Variants in KCNMA1 observed in about 807,000 individuals in gnomAD.
KCNMA1 encodes the protein Calcium-activated potassium channel subunit alpha-1.
KCNMA1 carries 29 observed loss-of-function variants against 140.0 expected under a neutral mutation model. That is an observed-to-expected ratio of 0.21 (90% CI 0.15 to 0.28). The LOEUF is 0.28. Ranked by LOEUF, KCNMA1 falls within the 10% of genes least tolerant of loss-of-function variation. KCNMA1 has a pLI of 1.00. For missense variants in KCNMA1, 880 were observed against 1,602.2 expected (o/e 0.55, Z 7.70); for synonymous variants, 612 against 611.9 (o/e 1.00, Z 0.00).
At chr10:77,200,652 A>G (rs2042160973) in intron 3 of KCNMA1, among the ~76,000 whole-genome samples, 1 of 151,814 alleles carries the variant, frequency 6.6e-6, no homozygotes, top group South Asian at 2.1e-4. Flanking sequence ...GAAAAAAAAA[A>G]ACCCACCCTA....
At chr10:77,437,449 C>A (rs1013389896) in intron 1 of KCNMA1, among the ~76,000 whole-genome samples, 3 of 152,128 alleles carry the variant, frequency 2.0e-5, no homozygotes, top group African/African-American at 7.2e-5. Flanking sequence ...GGGATTATGA[C>A]TGCTTTTGTA....
chr10:77,008,116 A>G, intron 18 of KCNMA1: 1 of 1,425,680 alleles, frequency 7.0e-7, no homozygotes, highest in Non-Finnish European at 9.5e-7. Flanking sequence ...AGAAAATTAA[A>G]AGAGTATCTC....
chr10:77,080,629 G>A (rs1020699608), intron 12 of KCNMA1, among the ~76,000 whole-genome samples: 7 of 152,148 alleles, frequency 4.6e-5, no homozygotes, highest in Middle Eastern at 3.2e-3. Context: ...GAATGCATTG[G>A]AGATGGGATG....
intron 1 of KCNMA1, among the ~76,000 whole-genome samples, chr10:77,628,085 C>G (rs1363858214): frequency 6.7e-6 from 1 of 148,720 alleles, no homozygotes; most frequent in Non-Finnish European, 1.5e-5. Flanking sequence ...GAAGAAGGAG[C>G]AAGAACAAGA....
At chr10:77,401,945 C>T (rs1007948653) in intron 2 of KCNMA1, among the ~76,000 whole-genome samples, 8 of 152,182 alleles carry the variant, frequency 5.3e-5, no homozygotes, top group Admixed American at 6.5e-5. Flanking sequence ...GAATCAGGAT[C>T]CTTCCTTGTT....
chr10:76,977,807 G>A, intron 19 of KCNMA1: 1 of 582,804 alleles, frequency 1.7e-6, no homozygotes, highest in Non-Finnish European at 3.1e-6. Context: ...TGAGTCAGGT[G>A]AGTTTCACAT....
chr10:77,104,861 A>G (rs1174600426), intron 9 of KCNMA1, among the ~76,000 whole-genome samples: 1 of 152,206 alleles, frequency 6.6e-6, no homozygotes. Flanking sequence ...CCCAAAGGCC[A>G]TGGGAGCGTC....
intron 2 of KCNMA1, among the ~76,000 whole-genome samples, chr10:77,325,100 G>A (rs758964552): frequency 1.1e-4 from 16 of 151,976 alleles, no homozygotes; most frequent in Non-Finnish European, 2.1e-4. Context: ...TGTCAAGACT[G>A]CAGCCTGGCC....
chr10:76,956,252 G>C (rs1401550071), intron 20 of KCNMA1, among the ~76,000 whole-genome samples: 1 of 152,066 alleles, frequency 6.6e-6, no homozygotes, highest in Non-Finnish European at 1.5e-5. Context: ...AAAGAAAAAA[G>C]ACAGCTAATG....
At chr10:77,526,940 A>G (rs975199407) in intron 1 of KCNMA1, among the ~76,000 whole-genome samples, 3 of 152,218 alleles carry the variant, frequency 2.0e-5, no homozygotes, top group East Asian at 1.9e-4. Flanking sequence ...GCATGCTCGC[A>G]TGTGCAACAA....
At chr10:77,006,550 C>T (rs1208386908) in intron 18 of KCNMA1, among the ~76,000 whole-genome samples, 1 of 152,188 alleles carries the variant, frequency 6.6e-6, no homozygotes, top group African/African-American at 2.4e-5. Context: ...GATGTCTTCA[C>T]TTAGCAAAAT....
intron 2 of KCNMA1, among the ~76,000 whole-genome samples, chr10:77,286,784 T>G (rs868303761): frequency 2.8e-4 from 29 of 103,338 alleles, no homozygotes; most frequent in African/African-American, 9.2e-4. Flanking sequence ...GGGGGGGGGT[T>G]CCATTCTTAC....
At position 77,327,750 on chromosome 10, in the gene KCNMA1, C is replaced by T. The variant is rs534870931; in HGVS notation, c.540+76112G>A. On this transcript the variant is annotated intron_variant, in intron 2 of 27. Coordinates refer to ENST00000286628, the MANE Select transcript of KCNMA1 (RefSeq NM_001161352.2). ...GGACTGCCCACAATGGTGTAAAGAG[C>T]CATCTGGGAAATAAATAGTAAATAG... 2.4e-3 allele frequency among the ~76,000 whole-genome samples: 369 copies of T among 151,934 alleles called. 10 individuals carry two copies. Among genetic ancestry groups the T allele is most frequent in the Admixed American group, 0.024 (364 of 15,208 alleles).
At chr10:77,574,781 T>C (rs1370271851) in intron 1 of KCNMA1, among the ~76,000 whole-genome samples, 2 of 152,252 alleles carry the variant, frequency 1.3e-5, no homozygotes, top group African/African-American at 4.8e-5. Context: ...ATACTTTGAA[T>C]GGTGCACCCA....
intron 1 of KCNMA1, among the ~76,000 whole-genome samples, chr10:77,417,910 C>T (rs1294805741): frequency 6.6e-6 from 1 of 152,202 alleles, no homozygotes; most frequent in African/African-American, 2.4e-5. Context: ...CATACAGCGG[C>T]AGTCAGGATC....
chr10:77,572,569 C>CTATCTATCTATATATATATATAT (rs2071879711), intron 1 of KCNMA1, among the ~76,000 whole-genome samples: 1 of 37,568 alleles, frequency 2.7e-5, no homozygotes, highest in African/African-American at 1.1e-4. Flanking sequence ...AAAAAAAATC[C>CTATCTATCTATATATATATATAT]ATATATATAT....
chr10:76,891,877 C>T (rs775231657), intron 25 of KCNMA1, among the ~76,000 whole-genome samples, 158 bp from the exon 26 acceptor site: 24 of 152,294 alleles, frequency 1.6e-4, no homozygotes, highest in Non-Finnish European at 3.1e-4. Context: ...AGACAGCAGC[C>T]TCCAATTATT....
intron 1 of KCNMA1, among the ~76,000 whole-genome samples, chr10:77,525,934 T>C (rs1344041291): frequency 6.6e-6 from 1 of 152,162 alleles, no homozygotes; most frequent in Non-Finnish European, 1.5e-5. Context: ...CACTGACTGA[T>C]TTGGAGCCAG....
At chr10:77,089,389 T>A (rs1245191009) in intron 10 of KCNMA1, among the ~76,000 whole-genome samples, 1 of 152,146 alleles carries the variant, frequency 6.6e-6, no homozygotes, top group African/African-American at 2.4e-5. Flanking sequence ...ACTGGCCCCA[T>A]GACAGCCCCA....
Sources: gnomAD v4.1 joint callset for allele counts (sites outside exome capture counted in the v4.1 genomes callset) on GRCh38, gnomAD v4.1.1 for gene constraint, MANE v1.5 for transcripts, NCBI Gene and HGNC (gene_info 2026-07-23, HGNC 2026-07-21) for gene names.